Variants in CFAP97D2 observed in about 807,000 individuals in gnomAD.
The protein encoded by CFAP97D2 is uncharacterized protein CFAP97D2.
intron 4 of CFAP97D2, among the ~76,000 whole-genome samples, chr13:114,215,073 T>C (rs779737520): frequency 6.6e-6 from 1 of 152,168 alleles, no homozygotes; most frequent in Non-Finnish European, 1.5e-5. Context: ...AAATCAAAGG[T>C]AAGCACATTT....
intron 2 of CFAP97D2, among the ~76,000 whole-genome samples, chr13:114,198,225 A>G (rs2080896006): frequency 6.6e-6 from 1 of 152,122 alleles, no homozygotes; most frequent in Admixed American, 6.5e-5. Flanking sequence ...GACCTCGTGA[A>G]GTTTACCTCA....
Position 114,196,285 on chromosome 13 carries a change from C to T in CFAP97D2, c.91-111C>T, listed in dbSNP as rs1009223742. On this transcript the variant is annotated intron_variant, in intron 1 of 4. Coordinates refer to ENST00000646158, the Ensembl canonical transcript of CFAP97D2. ...ACGAGCCTCTTTCAGAACTTCAGGCCGTGTGCTGACATGGAATCCCTGGTG... is the reference window on the plus strand; with the variant it reads ...ACGAGCCTCTTTCAGAACTTCAGGCTGTGTGCTGACATGGAATCCCTGGTG... 45 of 397,712 alleles carry T rather than the reference C, an allele frequency of 1.1e-4. No individual in the cohort carries two copies. The Middle Eastern group carries it at 3.1e-3, about 28-fold the overall frequency. 24.6% of individuals were successfully genotyped at this position (397,712 alleles called of 1,614,324 possible).
rs985052818 is a variant in CFAP97D2, at chr13:114,207,365, T to C, written c.291-4547T>C. Among the ~76,000 whole-genome samples the C allele has an allele frequency of 3.3e-5, 5 of 152,146 alleles. No homozygotes were observed. Among genetic ancestry groups the C allele is most frequent in the African/African-American group, 1.2e-4 (5 of 41,422 alleles). On this transcript the variant is annotated intron_variant, in intron 3 of 4. Transcript: ENST00000646158. The surrounding 1 kb of genome is among the most constrained non-coding windows in gnomAD (Gnocchi z 4.9). Reference sequence around the variant, plus strand: ...ACATTGTAATATAGAATGAAGTAATTATACAACTCAACATCATGTAGAATC... The same window carrying C: ...ACATTGTAATATAGAATGAAGTAATCATACAACTCAACATCATGTAGAATC...
intron 4 of CFAP97D2, among the ~76,000 whole-genome samples, chr13:114,214,820 CAAT>C (rs1340962062): frequency 3.9e-5 from 6 of 152,186 alleles, no homozygotes; most frequent in African/African-American, 1.4e-4. Flanking sequence ...TCATTTCACT[CAAT>C]AATGTATCAT....
chr13:114,192,621 A>T (rs547771615), intron 1 of CFAP97D2, among the ~76,000 whole-genome samples: 213 of 152,380 alleles, frequency 1.4e-3, no homozygotes, highest in Non-Finnish European at 2.6e-3. Flanking sequence ...TATGAAGCAA[A>T]TAGGAGACAT....
At chr13:114,209,504 G>C (rs578060370) in intron 3 of CFAP97D2, among the ~76,000 whole-genome samples, 46 of 152,304 alleles carry the variant, frequency 3.0e-4, no homozygotes, top group African/African-American at 1.1e-3. Context: ...TGTTCGTGTA[G>C]GCCTAGCTCT....
chr13:114,210,685 G>T (rs958215710), intron 3 of CFAP97D2, among the ~76,000 whole-genome samples: 2 of 152,062 alleles, frequency 1.3e-5, no homozygotes, highest in African/African-American at 4.8e-5. Context: ...CTTCAGCCCT[G>T]TTGTCACTCC....
chr13:114,196,273 A>G, intron 1 of CFAP97D2, 123 bp from the exon 2 acceptor site: 1 of 397,356 alleles, frequency 2.5e-6, no homozygotes, highest in Non-Finnish European at 4.4e-6. Context: ...AGCCTCTTTC[A>G]GAACTTCAGG....
rs146550131 is a variant in CFAP97D2, at chr13:114,186,734, G to A, written c.90+7314G>A. ...GTATGCCTGGTCCAGGCACAGCCTC[G>A]CAGTGAGCCAGCACCCATGCTGGCA... is the stretch of plus-strand genomic sequence containing the variant. On this transcript the variant is annotated intron_variant, in intron 1 of 4. Coordinates refer to ENST00000646158, the Ensembl canonical transcript of CFAP97D2. This position sits in a 1 kb window ranked among gnomAD's most constrained non-coding sequence, Gnocchi z 4.3. 1.9e-3 allele frequency among the ~76,000 whole-genome samples: 285 copies of A among 152,314 alleles called. 1 individual carries two copies. Among genetic ancestry groups the A allele is most frequent in the African/African-American group, 6.0e-3 (250 of 41,564 alleles).
At chr13:114,200,760 G>A (rs147255608) in intron 3 of CFAP97D2, among the ~76,000 whole-genome samples, 5 of 152,306 alleles carry the variant, frequency 3.3e-5, no homozygotes, top group African/African-American at 4.8e-5. Flanking sequence ...CGTGTGGTAC[G>A]GGCTCTTGTG....
rs549840684 is a variant in CFAP97D2 at position 114,185,862 on chromosome 13, G to A, written c.90+6442G>A. ...GTGCCTCTTGGCATGAACAGCCTGCGTGCCATGAACAGCAACAGGAGGCAG... is the reference window on the plus strand; with the variant it reads ...GTGCCTCTTGGCATGAACAGCCTGCATGCCATGAACAGCAACAGGAGGCAG... On this transcript the variant is annotated intron_variant, in intron 1 of 4. Transcript: ENST00000646158. The surrounding 1 kb of genome is among the most constrained non-coding windows in gnomAD (Gnocchi z 5.2). Among the ~76,000 whole-genome samples, 31 of 152,366 alleles carry A rather than the reference G, an allele frequency of 2.0e-4. No homozygotes were observed. The highest frequency in any genetic ancestry group is 6.5e-4 in the African/African-American group (27 of 41,598).
In CFAP97D2 at chr13:114,211,457, C is replaced by G. The variant is rs1221439192; in HGVS notation, c.291-455C>G. ...CTGCTAGACCCTCCAAAATCCAACC[C>G]CTGCCAACCTCCCTCACCTCTCTCC... On this transcript the variant is annotated intron_variant, in intron 3 of 4. Coordinates refer to ENST00000646158, the Ensembl canonical transcript of CFAP97D2. This position sits in a 1 kb window ranked among gnomAD's most constrained non-coding sequence, Gnocchi z 4.2. Among the ~76,000 whole-genome samples the G allele has an allele frequency of 1.3e-5, 2 of 152,178 alleles. No homozygotes were observed. The highest frequency in any genetic ancestry group is 4.8e-5 in the African/African-American group (2 of 41,448).
At chr13:114,223,052 A>C (rs949929562), downstream of CFAP97D2, 1 of 152,276 alleles carries the variant, frequency 6.6e-6, no homozygotes, top group Non-Finnish European at 1.5e-5. Context: ...TATCTAAATA[A>C]ATCAGATTAA....
chr13:114,210,437 G>C (rs1403145953), intron 3 of CFAP97D2, among the ~76,000 whole-genome samples: 17 of 152,154 alleles, frequency 1.1e-4, no homozygotes, highest in Admixed American at 1.1e-3. Context: ...TGTCAGTTTA[G>C]TTTGATCCGA....
At chr13:114,204,471 A>G (rs536752026) in intron 3 of CFAP97D2, among the ~76,000 whole-genome samples, 2 of 152,370 alleles carry the variant, frequency 1.3e-5, no homozygotes, top group African/African-American at 4.8e-5. Context: ...AGAAAGCTAT[A>G]GTAATCAAGA....
intron 3 of CFAP97D2, among the ~76,000 whole-genome samples, chr13:114,202,441 C>T (rs2080922417): frequency 6.6e-6 from 1 of 152,188 alleles, no homozygotes; most frequent in African/African-American, 2.4e-5. Flanking sequence ...AGAGTCTCTG[C>T]TGTATGGTCC....
At chr13:114,183,789 G>C (rs2080845596) in intron 1 of CFAP97D2, among the ~76,000 whole-genome samples, 1 of 152,188 alleles carries the variant, frequency 6.6e-6, no homozygotes, top group South Asian at 2.1e-4. Flanking sequence ...TACCACCACA[G>C]TGGGGATTAA....
rs896876671 is a variant in CFAP97D2, at chr13:114,185,870, A to C, written c.90+6450A>C. Among the ~76,000 whole-genome samples, 1 of 152,232 alleles carries C rather than the reference A, an allele frequency of 6.6e-6. No homozygotes were observed. The highest frequency in any genetic ancestry group is 2.4e-5 in the African/African-American group (1 of 41,470). Reference sequence around the variant, plus strand: ...TGGCATGAACAGCCTGCGTGCCATGAACAGCAACAGGAGGCAGACGGACTC... The same window carrying C: ...TGGCATGAACAGCCTGCGTGCCATGCACAGCAACAGGAGGCAGACGGACTC... On this transcript the variant is annotated intron_variant, in intron 1 of 4. Coordinates refer to ENST00000646158, the Ensembl canonical transcript of CFAP97D2. The surrounding 1 kb of genome is among the most constrained non-coding windows in gnomAD (Gnocchi z 5.2).
intron 4 of CFAP97D2, among the ~76,000 whole-genome samples, chr13:114,219,755 G>T (rs186791680): frequency 1.3e-5 from 2 of 152,330 alleles, no homozygotes; most frequent in East Asian, 3.9e-4. Context: ...CATGGGAAAC[G>T]ACTCATTGTC....
Sources: allele counts gnomAD v4.1 joint callset (sites outside exome capture counted in the v4.1 genomes callset), GRCh38; gene constraint gnomAD v4.1.1; non-coding constraint Gnocchi (gnomAD v3.1); transcripts MANE v1.5; gene names NCBI Gene and HGNC (gene_info 2026-07-23, HGNC 2026-07-21).